DEPTOR: variants seen among roughly 807,000 people sequenced by gnomAD.
DEPTOR encodes DEP domain-containing mTOR-interacting protein.
Under a neutral mutation model 41.6 loss-of-function variants are expected in DEPTOR, and 41 were observed. The observed-to-expected ratio is 0.98, with a 90% CI of 0.77 to 1.28. The LOEUF (loss-of-function observed/expected upper bound fraction) is 1.28. Ranked by LOEUF, DEPTOR falls within the 50% of genes most tolerant of loss-of-function variation. The pLI is 0.00. For missense variants in DEPTOR, 514 were observed against 527.9 expected (o/e 0.97, Z 0.26); for synonymous variants, 195 against 192.3 (o/e 1.01, Z -0.12).
intron 3 of DEPTOR, 85 bp downstream of exon 3, chr8:119,930,023 G>C: frequency 1.4e-6 from 2 of 1,470,122 alleles, no homozygotes; most frequent in Admixed American, 2.2e-5. Flanking sequence ...TGATTTCAGC[G>C]TGGCTTTTCT....
At chr8:119,973,016 C>T (rs1418298523) in intron 4 of DEPTOR, among the ~76,000 whole-genome samples, 3 of 150,858 alleles carry the variant, frequency 2.0e-5, no homozygotes, top group Admixed American at 6.6e-5. Context: ...CTTGGCTTAC[C>T]ACAACCTTCG....
At chr8:119,970,953 G>T (rs747511999) in intron 4 of DEPTOR, among the ~76,000 whole-genome samples, 2 of 152,002 alleles carry the variant, frequency 1.3e-5, no homozygotes, top group Non-Finnish European at 2.9e-5. Flanking sequence ...AAAATCGGCC[G>T]GGCACAGTGG....
intron 1 of DEPTOR, among the ~76,000 whole-genome samples, chr8:119,902,822 T>A (rs1308618125): frequency 3.3e-5 from 5 of 152,224 alleles, no homozygotes; most frequent in Non-Finnish European, 2.9e-5. Flanking sequence ...TGTATAGTTC[T>A]TATGTGTTCA....
At chr8:120,035,284 C>T (rs1220025177) in intron 8 of DEPTOR, among the ~76,000 whole-genome samples, 2 of 151,904 alleles carry the variant, frequency 1.3e-5, no homozygotes, top group Admixed American at 1.3e-4. Context: ...GGCACCACTA[C>T]ACTCCAGCCT....
intron 8 of DEPTOR, among the ~76,000 whole-genome samples, chr8:120,025,960 G>A (rs1174112577): frequency 6.6e-6 from 1 of 150,434 alleles, no homozygotes; most frequent in East Asian, 2.0e-4. Context: ...TGAAACCAGT[G>A]GTAGCTTTCT....
In DEPTOR at chr8:119,909,724, A is replaced by C. The variant is rs1048623898; in HGVS notation, c.123-18676A>C. On this transcript the variant is annotated intron_variant, in intron 1 of 8. Transcript: ENST00000286234. ...TGGCCTTGCCACTTACAAACTATTC[A>C]TAACCAATTCCAATCACCAGAAGTG... 4.1e-4 allele frequency among the ~76,000 whole-genome samples: 63 copies of C among 152,380 alleles called. 1 individual carries two copies. Among genetic ancestry groups the C allele is most frequent in the African/African-American group, 1.5e-3 (61 of 41,596 alleles).
intron 7 of DEPTOR, among the ~76,000 whole-genome samples, chr8:120,007,603 C>G (rs566608782): frequency 6.6e-6 from 1 of 152,326 alleles, no homozygotes; most frequent in Non-Finnish European, 1.5e-5. Flanking sequence ...CGTTCATACC[C>G]TCTTCAAAAC....
At chr8:120,019,376 C>T (rs1812661465) in intron 8 of DEPTOR, among the ~76,000 whole-genome samples, 1 of 152,160 alleles carries the variant, frequency 6.6e-6, no homozygotes, top group South Asian at 2.1e-4. Flanking sequence ...CAGATGTGCA[C>T]ACTGGTGTCA....
chr8:119,881,591 G>A (rs75922097), intron 1 of DEPTOR, among the ~76,000 whole-genome samples: 43,733 of 151,410 alleles, frequency 0.29, 6,701 homozygotes, highest in African/African-American at 0.36. Context: ...CTAATAAATC[G>A]AATATGAGAT....
intron 3 of DEPTOR, among the ~76,000 whole-genome samples, chr8:119,935,998 T>TG (rs1828106626): frequency 8.6e-6 from 1 of 116,616 alleles, no homozygotes; most frequent in Non-Finnish European, 1.8e-5. Context: ...TTAGTCTAGT[T>TG]GTTTTTTTTT....
chr8:120,015,970 G>A (rs1812605195), intron 8 of DEPTOR, among the ~76,000 whole-genome samples: 2 of 152,146 alleles, frequency 1.3e-5, no homozygotes, highest in Non-Finnish European at 2.9e-5. Context: ...GGGGCAAGAA[G>A]GCCAGGGAAT....
chr8:119,969,356 T>C (rs1298449569), intron 4 of DEPTOR, among the ~76,000 whole-genome samples: 4 of 151,712 alleles, frequency 2.6e-5, no homozygotes, highest in Non-Finnish European at 5.9e-5. Flanking sequence ...TTTTGTTTTT[T>C]TTTGTTTTTT....
chr8:119,901,900 TTTTA>T (rs760165676), intron 1 of DEPTOR, among the ~76,000 whole-genome samples: 2 of 152,194 alleles, frequency 1.3e-5, no homozygotes, highest in East Asian at 1.9e-4. Flanking sequence ...CCTTATTTTA[TTTTA>T]TTTATTTCTT....
At chr8:119,884,046 T>C (rs943673157) in intron 1 of DEPTOR, among the ~76,000 whole-genome samples, 1 of 152,188 alleles carries the variant, frequency 6.6e-6, no homozygotes, top group Non-Finnish European at 1.5e-5. Context: ...CATGCCACCC[T>C]CGTTTCATTA....
At position 119,967,321 on chromosome 8, in the gene DEPTOR, C is replaced by T. The variant is rs546857566; in HGVS notation, c.604+1911C>T. ...TCTTACAGTCTTCACCTCAGGTGAT[C>T]CATCTGCCTCAGCCTTCCAAAGTGC... On this transcript the variant is annotated intron_variant, in intron 4 of 8. Coordinates refer to ENST00000286234, the MANE Select transcript of DEPTOR (RefSeq NM_022783.4). Among the ~76,000 whole-genome samples the T allele has an allele frequency of 6.6e-5, 10 of 151,080 alleles. No homozygotes were observed. The South Asian group carries it at 2.1e-3, about 32-fold the overall frequency.
intron 1 of DEPTOR, among the ~76,000 whole-genome samples, chr8:119,899,012 G>A (rs1263132923): frequency 6.6e-6 from 1 of 152,150 alleles, no homozygotes; most frequent in Non-Finnish European, 1.5e-5. Flanking sequence ...CACATGTATT[G>A]TTGTTTTAGC....
chr8:119,889,260 A>G lies in DEPTOR; in HGVS notation c.122+15292A>G, dbSNP rs543875357. Among the ~76,000 whole-genome samples the G allele has an allele frequency of 3.9e-5, 6 of 152,120 alleles. No individual in the cohort carries two copies. The South Asian group carries it at 8.3e-4, about 21-fold the overall frequency. On this transcript the variant is annotated intron_variant, in intron 1 of 8. Coordinates refer to ENST00000286234, the MANE Select transcript of DEPTOR (RefSeq NM_022783.4). The stretch of plus-strand genomic sequence containing the variant: ...GAAGATAACTGTCTTAGAAACTTCC[A>G]CAGAAGCTGGGTGCAGTGGCTCACG...
intron 3 of DEPTOR, among the ~76,000 whole-genome samples, chr8:119,964,534 AAAAAAAAAAAAAAAT>A (rs1554676639): frequency 1.3e-5 from 1 of 77,926 alleles, no homozygotes; most frequent in South Asian, 3.8e-4. Context: ...AAAAAAAAAA[AAAAAAAAAAAAAAAT>A]TAGTGAGGAC....
At chr8:119,957,051 G>A (rs1828427458) in intron 3 of DEPTOR, among the ~76,000 whole-genome samples, 1 of 151,758 alleles carries the variant, frequency 6.6e-6, no homozygotes, top group South Asian at 2.1e-4. Flanking sequence ...ACAGGGTCTT[G>A]CTGTGTCATC....
Sources: allele counts gnomAD v4.1 joint callset (sites outside exome capture counted in the v4.1 genomes callset), GRCh38; gene constraint gnomAD v4.1.1; transcripts MANE v1.5; gene names NCBI Gene and HGNC (gene_info 2026-07-23, HGNC 2026-07-21).